The following SNTB2 variants were observed in gnomAD, a reference collection of about 807,000 sequenced individuals.
SNTB2 encodes the protein beta-2-syntrophin.
Under a neutral mutation model 46.2 loss-of-function variants are expected in SNTB2, and 34 were observed. The observed-to-expected ratio is 0.74, with a 90% CI of 0.56 to 0.98. The LOEUF is 0.98. Ranked by LOEUF, SNTB2 falls within the 50% of genes least tolerant of loss-of-function variation. The probability of loss-of-function intolerance (pLI) is 0.00; values close to 1 mark genes in which losing one functional copy is unlikely to be tolerated. For missense variants in SNTB2, 603 were observed against 731.4 expected, an observed-to-expected ratio of 0.82 and a Z score of 2.02; for synonymous variants, 290 against 312.6, an observed-to-expected ratio of 0.93 and a Z score of 0.76.
At chr16:69,297,175 T>C (rs1379029698) in intron 5 of SNTB2, among the ~76,000 whole-genome samples, 2 of 150,598 alleles carry the variant, frequency 1.3e-5, no homozygotes, top group Non-Finnish European at 1.5e-5. Context: ...GGTGTGGTGG[T>C]GCCCGCCTGT....
chr16:69,205,174 G>C (rs77062570), intron 1 of SNTB2, among the ~76,000 whole-genome samples: 1 of 84,214 alleles, frequency 1.2e-5, no homozygotes. Flanking sequence ...TTTTTTTTTT[G>C]AGACTTGCTC....
Position 69,306,536 on chromosome 16 carries a change from C to T in SNTB2, c.*5612C>T, listed in dbSNP as rs972456195. The T allele has an allele frequency of 2.6e-5, 4 of 152,338 alleles. No individual in the cohort carries two copies. The highest frequency in any genetic ancestry group is 9.6e-5 in the African/African-American group (4 of 41,580). 9.4% of individuals were successfully genotyped at this position (152,338 alleles called of 1,614,324 possible). ...ATTCAACAGAAATCCACCATATAAACCATAATCCTTGAATTGCCCCTTTTA... is the reference window on the plus strand; with the variant it reads ...ATTCAACAGAAATCCACCATATAAATCATAATCCTTGAATTGCCCCTTTTA... On this transcript the variant is annotated 3_prime_UTR_variant, in exon 7 of 7. Transcript: ENST00000336278.
At chr16:69,280,627 C>A (rs1176579028) in intron 4 of SNTB2, among the ~76,000 whole-genome samples, 3 of 134,184 alleles carry the variant, frequency 2.2e-5, no homozygotes, top group Non-Finnish European at 4.9e-5. Flanking sequence ...GGCGGCTGGC[C>A]GGGCAGAGGG....
Position 69,187,392 on chromosome 16 carries a change from G to T in SNTB2, c.226G>T (p.Gly76Cys). The T allele has an allele frequency of 7.8e-7, 1 of 1,289,082 alleles. No individual in the cohort carries two copies. Among genetic ancestry groups the T allele is most frequent in the Non-Finnish European group, 9.8e-7 (1 of 1,023,080 alleles). 79.9% of individuals were successfully genotyped at this position (1,289,082 alleles called of 1,614,324 possible). ...CGCCGCCTTCAACGGCCTCCCAAAC[G>T]GCGGCGGCGCGGGCGACTCGCTGCC... ...AAAAFNGLPN[G>C]GGAGDSLPGS... is the part of the protein sequence containing the mutation. The change falls in exon 1 of 7, where the codon GGC becomes TGC. Residue 76 changes from glycine (G) to cysteine (C), a missense_variant. Physicochemically the swap from Gly to Cys is radical, Grantham distance 159. Around this residue, in one of 2 missense-constraint regions of SNTB2, gnomAD observed 537 missense variants for 692.4 expected, o/e 0.78. Coordinates refer to ENST00000336278, the MANE Select transcript of SNTB2 (RefSeq NM_006750.4).
chr16:69,227,137 C>T (rs1280020933), intron 1 of SNTB2, among the ~76,000 whole-genome samples: 1 of 152,182 alleles, frequency 6.6e-6, no homozygotes, highest in Non-Finnish European at 1.5e-5. Flanking sequence ...CAACATTTAA[C>T]TGAATTGTGT....
chr16:69,241,286 C>T (rs1312343542), intron 1 of SNTB2, among the ~76,000 whole-genome samples: 3 of 147,382 alleles, frequency 2.0e-5, no homozygotes, highest in South Asian at 2.2e-4. Flanking sequence ...AAGCAATTCT[C>T]CTGCCTCAGC....
At chr16:69,299,344 T>C (rs371494707) in intron 5 of SNTB2, among the ~76,000 whole-genome samples, 1 of 152,080 alleles carries the variant, frequency 6.6e-6, no homozygotes, top group African/African-American at 2.4e-5. Context: ...GGTTTCACCA[T>C]GTTGGTCAGG....
At chr16:69,205,499 A>G (rs918084942) in intron 1 of SNTB2, among the ~76,000 whole-genome samples, 1 of 151,850 alleles carries the variant, frequency 6.6e-6, no homozygotes, top group Non-Finnish European at 1.5e-5. Context: ...TGCCCAGCCC[A>G]ACAGAATTCA....
chr16:69,211,575 C>T (rs1027643060), intron 1 of SNTB2, among the ~76,000 whole-genome samples: 6 of 150,454 alleles, frequency 4.0e-5, no homozygotes, highest in Non-Finnish European at 7.4e-5. Context: ...GAAAAACAGG[C>T]GGAAGTGAAA....
intron 1 of SNTB2, among the ~76,000 whole-genome samples, chr16:69,237,062 A>T (rs1216016979): frequency 1.3e-5 from 2 of 152,168 alleles, no homozygotes; most frequent in East Asian, 3.8e-4. Context: ...TCTTGTTTGG[A>T]TATGTTGAAT....
chr16:69,275,275 G>T (rs754872738), intron 4 of SNTB2, among the ~76,000 whole-genome samples: 6 of 151,966 alleles, frequency 3.9e-5, no homozygotes, highest in Non-Finnish European at 7.4e-5. Flanking sequence ...GTGTTGCCCA[G>T]TCTGGTCTCA....
chr16:69,219,445 T>A (rs953310179), intron 1 of SNTB2, among the ~76,000 whole-genome samples: 2 of 152,172 alleles, frequency 1.3e-5, no homozygotes, highest in African/African-American at 2.4e-5. Flanking sequence ...AATGTGATGA[T>A]TTATGTTTAG....
At chr16:69,280,189 G>A (rs561445333) in intron 4 of SNTB2, among the ~76,000 whole-genome samples, 2 of 152,184 alleles carry the variant, frequency 1.3e-5, no homozygotes, top group African/African-American at 4.8e-5. Context: ...TAAGGTCACC[G>A]ATCAACAGGA....
intron 1 of SNTB2, among the ~76,000 whole-genome samples, chr16:69,231,938 A>C (rs1413826829): frequency 6.6e-6 from 1 of 152,202 alleles, no homozygotes; most frequent in Admixed American, 6.5e-5. Context: ...TTTTTACTTT[A>C]TAAATGACCA....
chr16:69,243,295 T>G (rs1964636278), intron 1 of SNTB2, among the ~76,000 whole-genome samples: 1 of 152,146 alleles, frequency 6.6e-6, no homozygotes, highest in Non-Finnish European at 1.5e-5. Flanking sequence ...CTGTTAACTT[T>G]TTGCCATTCC....
chr16:69,242,767 A>G (rs1378405933), intron 1 of SNTB2, among the ~76,000 whole-genome samples: 1 of 152,188 alleles, frequency 6.6e-6, no homozygotes, highest in Non-Finnish European at 1.5e-5. Flanking sequence ...CAAGCCTGTT[A>G]TCCCAGCACT....
At chr16:69,286,536 T>G (rs1406516820) in intron 5 of SNTB2, among the ~76,000 whole-genome samples, 2 of 151,356 alleles carry the variant, frequency 1.3e-5, no homozygotes, top group African/African-American at 4.9e-5. Flanking sequence ...ATACAAAAAT[T>G]TAGCTGGGAG....
chr16:69,194,277 A>G (rs1169287834), intron 1 of SNTB2, among the ~76,000 whole-genome samples: 1 of 152,188 alleles, frequency 6.6e-6, no homozygotes, highest in Non-Finnish European at 1.5e-5. Flanking sequence ...TCCTTTTCTC[A>G]TTGATTTTAA....
chr16:69,229,619 C>A (rs1199240254), intron 1 of SNTB2, among the ~76,000 whole-genome samples: 1 of 150,614 alleles, frequency 6.6e-6, no homozygotes, highest in African/African-American at 2.4e-5. Context: ...GTGGGCGGAT[C>A]ACGAGGTCAA....
Sources: gnomAD v4.1 joint callset for allele counts (sites outside exome capture counted in the v4.1 genomes callset) on GRCh38, gnomAD v4.1.1 for gene constraint, gnomAD v4.1.1 regional missense constraint, MANE v1.5 for transcripts, NCBI Gene and HGNC (gene_info 2026-07-23, HGNC 2026-07-21) for gene names.